ANOS1: variants seen among roughly 807,000 people sequenced by gnomAD.
ANOS1 encodes anosmin-1.
A neutral mutation model predicts 59.0 loss-of-function variants in ANOS1; 6 were observed. That is an observed-to-expected ratio of 0.10 (90% CI 0.06 to 0.20). The LOEUF (loss-of-function observed/expected upper bound fraction) is 0.20, where lower values mean the gene tolerates loss of function less well. Among genes scored for constraint, ANOS1 ranks in the 10% least tolerant of loss-of-function variants. The probability of loss-of-function intolerance (pLI) is 1.00; values close to 1 mark genes in which losing one functional copy is unlikely to be tolerated. For missense variants in ANOS1, 433 were observed against 542.3 expected (o/e 0.80, Z 2.00); for synonymous variants, 217 against 223.4 (o/e 0.97, Z 0.25).
chrX:8,690,835 A>T (rs1932595072), intron 2 of ANOS1, among the ~76,000 whole-genome samples: 1 of 111,254 alleles, frequency 9.0e-6, no homozygotes, highest in Non-Finnish European at 1.9e-5. Flanking sequence ...CTGAACTCCC[A>T]CTGAGATTAA....
At chrX:8,614,039 T>C (rs1931115947) in intron 3 of ANOS1, among the ~76,000 whole-genome samples, 2 of 112,025 alleles carry the variant, frequency 1.8e-5, no homozygotes, top group South Asian at 7.4e-4. Flanking sequence ...TTCATGTGCG[T>C]GACCAAGTCT....
intron 6 of ANOS1, among the ~76,000 whole-genome samples, chrX:8,582,571 A>T (rs1442015711): frequency 9.0e-6 from 1 of 111,558 alleles, no homozygotes; most frequent in East Asian, 2.8e-4. Flanking sequence ...AGCTGCTGGG[A>T]CACTTTGAGC....
chrX:8,619,054 C>A (rs1931226877), intron 3 of ANOS1, among the ~76,000 whole-genome samples: 1 of 74,211 alleles, frequency 1.3e-5, no homozygotes, highest in Non-Finnish European at 2.4e-5. Context: ...GCCTGGGCGA[C>A]AGAGCAAACC....
chrX:8,576,997 C>G (rs997440091), intron 6 of ANOS1, among the ~76,000 whole-genome samples: 10 of 111,357 alleles, frequency 9.0e-5, no homozygotes, highest in Non-Finnish European at 1.7e-4. Context: ...CCTCATAGCT[C>G]AAAAGCAGCC....
At chrX:8,599,557 G>A (rs748852792) in intron 3 of ANOS1, among the ~76,000 whole-genome samples, 112 of 111,847 alleles carry the variant, frequency 1.0e-3, no homozygotes, top group African/African-American at 3.3e-3. Context: ...GGGTAACACC[G>A]GGTCATCCCT....
chrX:8,659,572 G>A (rs745821536), intron 2 of ANOS1, among the ~76,000 whole-genome samples: 1 of 74,502 alleles, frequency 1.3e-5, no homozygotes, highest in Non-Finnish European at 2.4e-5. Context: ...CTTCCTCCCT[G>A]CTTGCTTGCT....
Position 8,581,620 on chromosome X carries a change from C to T in ANOS1, c.856+3647G>A, listed in dbSNP as rs769936931. ...ATGGGAGTTTAACAAATCAGTAAAA[C>T]GGTGGAAGACACTCCCTCCAGGATA... On this transcript the variant is annotated intron_variant, in intron 6 of 13. Transcript: ENST00000262648. 9.0e-5 allele frequency among the ~76,000 whole-genome samples: 10 copies of T among 111,642 alleles called. No homozygotes were observed. The South Asian group carries it at 1.5e-3, about 17-fold the overall frequency.
chrX:8,592,702 A>G (rs760566865), intron 4 of ANOS1, among the ~76,000 whole-genome samples: 1 of 111,929 alleles, frequency 8.9e-6, no homozygotes, highest in South Asian at 3.7e-4. Context: ...AAATGCACTC[A>G]TTTGTATTCT....
intron 1 of ANOS1, among the ~76,000 whole-genome samples, chrX:8,712,933 C>T (rs778836773): frequency 2.7e-5 from 3 of 111,574 alleles, no homozygotes; most frequent in Non-Finnish European, 3.8e-5. Flanking sequence ...GCTTTATGTT[C>T]CTGATCTTTG....
chrX:8,710,221 C>A lies in ANOS1; in HGVS notation c.208-10476G>T, dbSNP rs537917303. ...CTGGGATTACAAGCGTGAGCCACCA[C>A]GCCCGGCCGTGTTATCTTATAAATT... On this transcript the variant is annotated intron_variant, in intron 1 of 13. Transcript: ENST00000262648. Among the ~76,000 whole-genome samples, 34 of 111,987 alleles carry A rather than the reference C, an allele frequency of 3.0e-4. No homozygotes were observed. The East Asian group carries it at 4.2e-3, about 14-fold the overall frequency.
chrX:8,717,782 G>A (rs1399312786), intron 1 of ANOS1, among the ~76,000 whole-genome samples: 1 of 112,318 alleles, frequency 8.9e-6, no homozygotes, highest in Non-Finnish European at 1.9e-5. Context: ...AAGCCCAGAT[G>A]GGAGGATCTC....
chrX:8,636,246 C>T, intron 2 of ANOS1, among the ~76,000 whole-genome samples: 1 of 111,551 alleles, frequency 9.0e-6, no homozygotes, highest in Non-Finnish European at 1.9e-5. Context: ...TCCTGGAGAA[C>T]CATGTCAATC....
chrX:8,661,357 G>A (rs1485853117), intron 2 of ANOS1, among the ~76,000 whole-genome samples: 1 of 112,037 alleles, frequency 8.9e-6, no homozygotes, highest in Non-Finnish European at 1.9e-5. Context: ...GCTTGTAGAT[G>A]TTGTCTTCTC....
intron 2 of ANOS1, among the ~76,000 whole-genome samples, chrX:8,635,932 T>C (rs1601996013): frequency 9.0e-6 from 1 of 111,286 alleles, no homozygotes; most frequent in South Asian, 3.8e-4. Flanking sequence ...CAAGTGTTCA[T>C]TAGATCAGAT....
intron 2 of ANOS1, among the ~76,000 whole-genome samples, chrX:8,687,100 A>G (rs902637304): frequency 8.9e-6 from 1 of 112,198 alleles, no homozygotes; most frequent in Non-Finnish European, 1.9e-5. Flanking sequence ...GTTATCATCC[A>G]TATTGCATTG....
chrX:8,664,943 A>G (rs757836968), intron 2 of ANOS1, among the ~76,000 whole-genome samples: 1 of 111,876 alleles, frequency 8.9e-6, no homozygotes, highest in African/African-American at 3.2e-5. Flanking sequence ...TTTTATGCAT[A>G]TCGTCTCCCC....
intron 9 of ANOS1, among the ~76,000 whole-genome samples, chrX:8,545,409 A>C (rs189353862): frequency 1.9e-4 from 20 of 104,638 alleles, no homozygotes; most frequent in East Asian, 9.4e-4. Flanking sequence ...GGAAGGAAGG[A>C]AGGCAGGCAG....
intron 1 of ANOS1, among the ~76,000 whole-genome samples, chrX:8,704,127 C>A (rs1216091196): frequency 8.9e-6 from 1 of 111,818 alleles, no homozygotes; most frequent in Non-Finnish European, 1.9e-5. Flanking sequence ...CCATTTAAGA[C>A]ATGGCTTTGC....
intron 4 of ANOS1, among the ~76,000 whole-genome samples, chrX:8,590,920 A>G (rs941927105): frequency 4.5e-5 from 5 of 111,985 alleles, no homozygotes; most frequent in Non-Finnish European, 9.4e-5. Context: ...CTTTTCCAGC[A>G]TGGTCTTATT....
Sources: gnomAD v4.1 joint callset for allele counts (sites outside exome capture counted in the v4.1 genomes callset) on GRCh38, gnomAD v4.1.1 for gene constraint, MANE v1.5 for transcripts, NCBI Gene and HGNC (gene_info 2026-07-23, HGNC 2026-07-21) for gene names.